Variants in POF1B observed in about 807,000 individuals in gnomAD.
POF1B encodes POF1B actin binding protein, also known as protein POF1B.
POF1B carries 53 observed loss-of-function variants against 55.3 expected under a neutral mutation model. The ratio of observed to expected loss-of-function variants is 0.96; its 90% CI spans 0.77 to 1.20. The LOEUF (loss-of-function observed/expected upper bound fraction) is 1.20, where lower values mean the gene tolerates loss of function less well. Ranked by LOEUF, POF1B falls within the 50% of genes most tolerant of loss-of-function variation. POF1B has a pLI of 0.00. For synonymous variants in POF1B, 188 were observed against 148.3 expected (o/e 1.27, Z -1.95); for missense variants, 478 against 420.5 (o/e 1.14, Z -1.20).
chrX:85,378,229 T>G lies in POF1B; in HGVS notation c.282+944A>C, dbSNP rs919567763. On this transcript the variant is annotated intron_variant, in intron 2 of 16. Coordinates refer to ENST00000262753, the MANE Select transcript of POF1B (RefSeq NM_024921.4). ...GAAAAATAATATGTATTACTCCTGA[T>G]TGGTAATAATAATGTAACATAGCAT... Among the ~76,000 whole-genome samples, 59 of 111,813 alleles carry G rather than the reference T, an allele frequency of 5.3e-4. 1 individual carries two copies. Among genetic ancestry groups the G allele is most frequent in the Non-Finnish European group, 5.6e-5 (3 of 53,105 alleles).
chrX:85,357,594 C>T (rs1052667756), intron 4 of POF1B, among the ~76,000 whole-genome samples: 2 of 111,177 alleles, frequency 1.8e-5, no homozygotes, highest in African/African-American at 6.5e-5. Flanking sequence ...TCTTCTTATG[C>T]CTTTTGGTCA....
intron 3 of POF1B, among the ~76,000 whole-genome samples, chrX:85,360,788 C>T (rs1933602888): frequency 9.2e-6 from 1 of 108,641 alleles, no homozygotes; most frequent in South Asian, 4.0e-4. Context: ...TGAGGAATTG[C>T]CACACTGCTT....
At chrX:85,325,254 A>T (rs1932884836) in intron 7 of POF1B, among the ~76,000 whole-genome samples, 1 of 111,833 alleles carries the variant, frequency 8.9e-6, no homozygotes, top group Admixed American at 9.5e-5. Context: ...GGCAATTTTC[A>T]TGGACGAGAT....
chrX:85,346,865 T>C (rs1252001258), intron 5 of POF1B, among the ~76,000 whole-genome samples: 3 of 111,008 alleles, frequency 2.7e-5, no homozygotes, highest in African/African-American at 6.5e-5. Flanking sequence ...AAAAAAACTC[T>C]GAGGTCTAGA....
At position 85,379,245 on chromosome X, in the gene POF1B, G is replaced by A; in HGVS notation, c.210C>T (p.Asn70=). 1 of 1,210,850 alleles carries A rather than the reference G, an allele frequency of 8.3e-7. No individual in the cohort carries two copies. The highest frequency in any genetic ancestry group is 1.1e-6 in the Non-Finnish European group (1 of 895,145). Residue 70 remains asparagine, a synonymous_variant, in exon 2 of 17, where the codon AAC becomes AAT. Transcript: ENST00000262753. ...TGAGAGGGGAGAGCACTTCCCGTGA[G>A]TTGAAGGGGTCCAAGGCCTGCACCA... ...NKVVQALDPF[N]SREVLSPLKT...
chrX:85,293,430 A>G (rs1403184883), intron 15 of POF1B, among the ~76,000 whole-genome samples: 1 of 111,927 alleles, frequency 8.9e-6, no homozygotes, highest in African/African-American at 3.2e-5. Context: ...AGAAAATCAA[A>G]TACTGCATGT....
At chrX:85,361,328 T>C (rs1334771135) in intron 3 of POF1B, among the ~76,000 whole-genome samples, 2 of 111,960 alleles carry the variant, frequency 1.8e-5, no homozygotes, top group Admixed American at 1.9e-4. Context: ...CCAGGGTTTT[T>C]AGAGTTTGGG....
At chrX:85,366,435 G>A (rs1361093556) in intron 3 of POF1B, among the ~76,000 whole-genome samples, 3 of 111,507 alleles carry the variant, frequency 2.7e-5, no homozygotes, top group Non-Finnish European at 5.7e-5. Flanking sequence ...GGAATCATGA[G>A]TGATTTTTGT....
intron 3 of POF1B, among the ~76,000 whole-genome samples, chrX:85,365,601 T>C (rs781459377): frequency 8.9e-6 from 1 of 111,798 alleles, no homozygotes; most frequent in Non-Finnish European, 1.9e-5. Flanking sequence ...GCTCTTGCTC[T>C]GTCCTGTTGC....
chrX:85,367,330 T>G (rs1212233574), intron 3 of POF1B, among the ~76,000 whole-genome samples: 1 of 111,457 alleles, frequency 9.0e-6, no homozygotes, highest in Non-Finnish European at 1.9e-5. Flanking sequence ...TATGACCCTA[T>G]AAGTTATTCT....
Position 85,379,595 on chromosome X carries a change from C to CA in POF1B, c.-42+43dup, listed in dbSNP as rs200998802. The CA allele has an allele frequency of 1.7e-3, 1,069 of 622,958 alleles. 8 individuals are homozygous for CA. In the African/African-American group the frequency reaches 0.022, roughly 13 times the overall value. 51.3% of individuals were successfully genotyped at this position (622,958 alleles called of 1,213,427 possible). A position where few individuals can be genotyped will look rare whatever the true frequency, so the allele number is the denominator to read the frequency against. On this transcript the variant is annotated intron_variant, in intron 1 of 16. Transcript: ENST00000262753. The stretch of plus-strand genomic sequence containing the variant: ...CGACACACGTGTGGAAACCGCTTAT[C>CA]AAAACCTCTGCCAATAGTGGTGCCG...
intron 2 of POF1B, among the ~76,000 whole-genome samples, chrX:85,369,442 T>C (rs930988866): frequency 4.9e-4 from 55 of 111,240 alleles, no homozygotes; most frequent in Non-Finnish European, 9.4e-5. Context: ...CTCTTGACCA[T>C]CTTTCCTCCA....
chrX:85,294,444 A>G (rs1011864605), intron 15 of POF1B, among the ~76,000 whole-genome samples: 5 of 111,909 alleles, frequency 4.5e-5, no homozygotes, highest in African/African-American at 9.7e-5. Flanking sequence ...GACTTTATTG[A>G]TAGCTATTTC....
intron 15 of POF1B, among the ~76,000 whole-genome samples, chrX:85,296,385 T>C (rs1211789898): frequency 1.8e-5 from 2 of 112,363 alleles, no homozygotes; most frequent in Non-Finnish European, 3.8e-5. Context: ...TATAATTATT[T>C]CATTTCCATG....
intron 5 of POF1B, among the ~76,000 whole-genome samples, chrX:85,347,268 C>A (rs929991115): frequency 1.8e-5 from 2 of 111,020 alleles, no homozygotes; most frequent in Non-Finnish European, 3.8e-5. Context: ...AGTAAAAATG[C>A]AATGCACTAT....
intron 7 of POF1B, among the ~76,000 whole-genome samples, chrX:85,326,487 G>A (rs1932898833): frequency 1.8e-5 from 2 of 110,256 alleles, no homozygotes; most frequent in African/African-American, 3.3e-5. Flanking sequence ...GTGCAAGTGC[G>A]GGGCGCTGGT....
At chrX:85,309,136 A>G (rs1317137376) in intron 9 of POF1B, among the ~76,000 whole-genome samples, 3 of 111,584 alleles carry the variant, frequency 2.7e-5, no homozygotes, top group African/African-American at 9.8e-5. Context: ...TAACTTTGTA[A>G]CTTCAGCCTC....
rs1393198852 is a variant in POF1B, at chrX:85,303,603, C to A, written c.1567-115G>T. 7 of 479,560 alleles carry A rather than the reference C, an allele frequency of 1.5e-5. No homozygotes were observed. The East Asian group carries it at 1.9e-4, about 13-fold the overall frequency. The allele number at this position is 479,560 out of a possible 1,213,427, so 39.5% of individuals were successfully genotyped here. On this transcript the variant is annotated intron_variant, in intron 14 of 16. Transcript: ENST00000262753. ...ATGATTATACCCCCTCCCTTTTACC[C>A]CTTTTTAGCCTTGACGTAATAATGT...
intron 6 of POF1B, among the ~76,000 whole-genome samples, chrX:85,332,556 C>T (rs953182182): frequency 5.4e-5 from 6 of 111,296 alleles, no homozygotes; most frequent in African/African-American, 2.0e-4. Context: ...TATTCTTAAG[C>T]ATATAGATGG....
Sources: gnomAD v4.1 joint callset for allele counts (sites outside exome capture counted in the v4.1 genomes callset) on GRCh38, gnomAD v4.1.1 for gene constraint, MANE v1.5 for transcripts, NCBI Gene and HGNC (gene_info 2026-07-23, HGNC 2026-07-21) for gene names.